The following PAPPA2 variants were observed in gnomAD, a reference collection of about 807,000 sequenced individuals.
PAPPA2 encodes pappalysin-2.
PAPPA2 carries 86 observed loss-of-function variants against 176.4 expected under a neutral mutation model. That is an observed-to-expected ratio of 0.49 (90% confidence interval 0.41 to 0.58). PAPPA2 has a LOEUF of 0.58. Ranked by LOEUF, PAPPA2 falls within the 20% of genes least tolerant of loss-of-function variation. The probability of loss-of-function intolerance (pLI) is 0.00; values close to 1 mark genes in which losing one functional copy is unlikely to be tolerated. For missense variants in PAPPA2, 2,073 were observed against 2,256.9 expected, an observed-to-expected ratio of 0.92 and a Z score of 1.65; for synonymous variants, 809 against 852.2, an observed-to-expected ratio of 0.95 and a Z score of 0.88.
chr1:176,686,499 G>T (rs1398189293), intron 4 of PAPPA2, among the ~76,000 whole-genome samples: 1 of 152,164 alleles, frequency 6.6e-6, no homozygotes, highest in Non-Finnish European at 1.5e-5. Flanking sequence ...ATGAGATTTG[G>T]GGTGGGGACA....
At chr1:176,640,180 ATTATTTAT>A (rs531751528) in intron 3 of PAPPA2, among the ~76,000 whole-genome samples, 1 of 148,748 alleles carries the variant, frequency 6.7e-6, no homozygotes, top group East Asian at 2.0e-4. Context: ...TTTTATTTTT[ATTATTTAT>A]TTATTTATTT....
intron 1 of PAPPA2, among the ~76,000 whole-genome samples, chr1:176,510,432 A>G (rs933013699): frequency 1.3e-5 from 2 of 152,166 alleles, no homozygotes; most frequent in African/African-American, 2.4e-5. Flanking sequence ...TATCAAATGA[A>G]CATTTCTTTT....
intron 17 of PAPPA2, among the ~76,000 whole-genome samples, chr1:176,772,616 C>A (rs1664282468): frequency 6.6e-6 from 1 of 152,136 alleles, no homozygotes; most frequent in East Asian, 1.9e-4. Context: ...AAGGGCCAGG[C>A]TGATTAGAAC....
Position 176,502,318 on chromosome 1 carries a change from T to C in PAPPA2, c.-917+38900T>C, listed in dbSNP as rs148492309. Among the ~76,000 whole-genome samples the C allele has an allele frequency of 4.4e-3, 672 of 152,336 alleles. 4 individuals carry two copies. The highest frequency in any genetic ancestry group is 0.015 in the African/African-American group (629 of 41,586). Reference sequence around the variant, plus strand: ...AGTCTATGTTTGTCATTTGGTGTAGTACAAGTAGCTATAACATAGCTGTGA... The same window carrying C: ...AGTCTATGTTTGTCATTTGGTGTAGCACAAGTAGCTATAACATAGCTGTGA... On this transcript the variant is annotated intron_variant, in intron 1 of 22. Coordinates refer to ENST00000367662, the MANE Select transcript of PAPPA2 (RefSeq NM_020318.3).
At chr1:176,515,675 G>A (rs1038092050) in intron 1 of PAPPA2, among the ~76,000 whole-genome samples, 2 of 152,154 alleles carry the variant, frequency 1.3e-5, no homozygotes, top group Non-Finnish European at 2.9e-5. Context: ...TGCACTGGGC[G>A]AGGCTGGCTT....
At chr1:176,613,471 C>G (rs1197382870) in intron 3 of PAPPA2, among the ~76,000 whole-genome samples, 1 of 152,178 alleles carries the variant, frequency 6.6e-6, no homozygotes, top group African/African-American at 2.4e-5. Context: ...GTTTGTTTCC[C>G]CACTGCACTG....
At chr1:176,554,206 A>G (rs1290823743) in intron 1 of PAPPA2, among the ~76,000 whole-genome samples, 2 of 152,092 alleles carry the variant, frequency 1.3e-5, no homozygotes, top group South Asian at 2.1e-4. Context: ...GGGGTAGAGG[A>G]GTTTAGAAGA....
intron 1 of PAPPA2, among the ~76,000 whole-genome samples, chr1:176,491,868 A>G (rs1276405493): frequency 6.6e-6 from 1 of 152,212 alleles, no homozygotes; most frequent in Non-Finnish European, 1.5e-5. Flanking sequence ...TGTGATACAG[A>G]CATGAAATGA....
intron 3 of PAPPA2, among the ~76,000 whole-genome samples, chr1:176,607,652 C>T (rs1654691176): frequency 6.6e-6 from 1 of 152,160 alleles, no homozygotes; most frequent in Admixed American, 6.5e-5. Flanking sequence ...ATGTATATGA[C>T]TACTTGTACC....
chr1:176,706,491 T>G, intron 10 of PAPPA2, 41 bp downstream of exon 10: 1 of 1,555,162 alleles, frequency 6.4e-7, no homozygotes, highest in South Asian at 1.1e-5. Flanking sequence ...GTCCTACTTT[T>G]AGAGGTGTAT....
intron 1 of PAPPA2, among the ~76,000 whole-genome samples, chr1:176,531,683 CA>C (rs1649815441): frequency 1.3e-5 from 2 of 152,184 alleles, no homozygotes; most frequent in Non-Finnish European, 1.5e-5. Flanking sequence ...GTTGAACAAG[CA>C]ACTGATATCT....
In PAPPA2 at chr1:176,844,866, G is replaced by A. The variant is rs1245876933; in HGVS notation, c.*2412G>A. The A allele has an allele frequency of 6.6e-6, 1 of 152,092 alleles. No homozygotes were observed. The highest frequency in any genetic ancestry group is 2.4e-5 in the African/African-American group (1 of 41,396). The allele number at this position is 152,092 out of a possible 1,614,324, so 9.4% of individuals were successfully genotyped here. A position where few individuals can be genotyped will look rare whatever the true frequency, so the allele number is the denominator to read the frequency against. Reference sequence around the variant, plus strand: ...GTCTTCATGCAGTCTCTCCACAAGAGCAACAGTAAGAACATTTCTGTTTTA... The same window carrying A: ...GTCTTCATGCAGTCTCTCCACAAGAACAACAGTAAGAACATTTCTGTTTTA... On this transcript the variant is annotated 3_prime_UTR_variant, in exon 23 of 23. Coordinates refer to ENST00000367662, the MANE Select transcript of PAPPA2 (RefSeq NM_020318.3).
intron 1 of PAPPA2, 35 bp from the exon 2 acceptor site, chr1:176,555,372 T>C (rs1465753146): frequency 2.0e-5 from 3 of 152,280 alleles, no homozygotes; most frequent in African/African-American, 7.2e-5. Context: ...CTGAAGTGTA[T>C]GCTCTTCTTT....
chr1:176,532,995 G>A (rs1649895090), intron 1 of PAPPA2, among the ~76,000 whole-genome samples: 1 of 152,224 alleles, frequency 6.6e-6, no homozygotes, highest in African/African-American at 2.4e-5. Context: ...GGATTGTTGA[G>A]GTTTCTATTT....
intron 17 of PAPPA2, among the ~76,000 whole-genome samples, chr1:176,789,271 A>G (rs1665072983): frequency 6.6e-6 from 1 of 152,234 alleles, no homozygotes; most frequent in South Asian, 2.1e-4. Flanking sequence ...ATGAAGCTGG[A>G]AACCATCATT....
chr1:176,543,504 C>T (rs1650471763), intron 1 of PAPPA2, among the ~76,000 whole-genome samples: 1 of 152,034 alleles, frequency 6.6e-6, no homozygotes, highest in South Asian at 2.1e-4. Flanking sequence ...TCAGACTCCC[C>T]TTCTAACTTT....
intron 21 of PAPPA2, among the ~76,000 whole-genome samples, chr1:176,810,943 T>C (rs1451814895): frequency 1.3e-5 from 2 of 152,214 alleles, no homozygotes; most frequent in Admixed American, 1.3e-4. Flanking sequence ...TTCCTTTCTG[T>C]TCCCCTCAGC....
intron 21 of PAPPA2, among the ~76,000 whole-genome samples, chr1:176,809,483 C>A (rs1288080769): frequency 2.0e-5 from 3 of 152,142 alleles, no homozygotes; most frequent in Admixed American, 1.3e-4. Context: ...TGTCTTGGAC[C>A]TCTCTCTGCC....
At chr1:176,605,533 C>T (rs1239655806) in intron 3 of PAPPA2, among the ~76,000 whole-genome samples, 15 of 152,200 alleles carry the variant, frequency 9.9e-5, no homozygotes, top group African/African-American at 3.6e-4. Flanking sequence ...TCCCTTATAG[C>T]TTTAGTTTAA....
Sources: gnomAD v4.1 joint callset for allele counts (sites outside exome capture counted in the v4.1 genomes callset) on GRCh38, gnomAD v4.1.1 for gene constraint, MANE v1.5 for transcripts, NCBI Gene and HGNC (gene_info 2026-07-23, HGNC 2026-07-21) for gene names.